Variants in KNL1 observed in about 807,000 individuals in gnomAD.
The protein encoded by KNL1 is outer kinetochore KNL1 complex subunit KNL1.
KNL1 carries 66 observed loss-of-function variants against 201.3 expected under a neutral mutation model. The ratio of observed to expected loss-of-function variants is 0.33; its 90% CI spans 0.27 to 0.40. The LOEUF is 0.40. Ranked by LOEUF, KNL1 falls within the 10% of genes least tolerant of loss-of-function variation. The pLI, the probability that KNL1 is intolerant of heterozygous loss-of-function variation, is 1.00. For synonymous variants in KNL1, 895 were observed against 899.2 expected, an observed-to-expected ratio of 1.00 and a Z score of 0.08; for missense variants, 2,815 against 2,690.5, an observed-to-expected ratio of 1.05 and a Z score of -1.02.
At chr15:40,657,009 A>G in intron 22 of KNL1, 33 bp from the exon 23 acceptor site, 1 of 1,028,522 alleles carries the variant, frequency 9.7e-7, no homozygotes, top group Non-Finnish European at 1.4e-6. Flanking sequence ...CATAAGTAAT[A>G]ACCTGCTTTT....
At chr15:40,639,158 C>T (rs1412527285) in intron 13 of KNL1, among the ~76,000 whole-genome samples, 1 of 130,058 alleles carries the variant, frequency 7.7e-6, no homozygotes, top group Non-Finnish European at 1.8e-5. Context: ...CCTTAAAAAT[C>T]CTTTTTTTTT....
At chr15:40,601,622 G>C (rs1241741063) in intron 1 of KNL1, among the ~76,000 whole-genome samples, 1 of 151,840 alleles carries the variant, frequency 6.6e-6, no homozygotes, top group Admixed American at 6.6e-5. Context: ...ATGAGGTCAG[G>C]AGATCGAGAC....
intron 1 of KNL1, among the ~76,000 whole-genome samples, chr15:40,600,666 A>G (rs1471005684): frequency 5.3e-5 from 8 of 152,356 alleles, no homozygotes; most frequent in Non-Finnish European, 1.0e-4. Context: ...TGTGTATTGT[A>G]TTAATTTAGT....
intron 8 of KNL1, among the ~76,000 whole-genome samples, chr15:40,616,971 C>T (rs147412740): frequency 3.9e-5 from 6 of 152,184 alleles, no homozygotes; most frequent in East Asian, 3.9e-4. Context: ...TTTTTTGAGA[C>T]GGAGTCTCAC....
chr15:40,605,981 G>A (rs901973884), intron 3 of KNL1, among the ~76,000 whole-genome samples: 3 of 152,158 alleles, frequency 2.0e-5, no homozygotes, highest in African/African-American at 4.8e-5. Flanking sequence ...CAAGTCCTAC[G>A]TGAAGAATAG....
In KNL1 at chr15:40,622,160, C is replaced by T. The variant is rs779150262; in HGVS notation, c.1896C>T (p.Asn632=). 6.2e-7 allele frequency: 1 copy of T among 1,614,110 alleles called. No homozygotes were observed. The highest frequency in any genetic ancestry group is 2.2e-5 in the East Asian group (1 of 44,878). ...AGCGATCAGACATAATAGCCAAAAACAGCTTAACCGACACCTGGAACAAAG... is the reference window on the plus strand; with the variant it reads ...AGCGATCAGACATAATAGCCAAAAATAGCTTAACCGACACCTGGAACAAAG... ...PFQRSDIIAK[N]SLTDTWNKDK... The change falls in exon 10 of 26, where the codon AAC becomes AAT. Residue 632 remains asparagine (N), a synonymous_variant. Coordinates refer to ENST00000399668, the MANE Select transcript of KNL1 (RefSeq NM_144508.5).
At chr15:40,655,522 C>A (rs960666615) in intron 22 of KNL1, among the ~76,000 whole-genome samples, 10 of 141,912 alleles carry the variant, frequency 7.0e-5, no homozygotes, top group African/African-American at 2.7e-4. Context: ...ACCTGGGAGA[C>A]GGAGGTTGCA....
intron 25 of KNL1, among the ~76,000 whole-genome samples, chr15:40,660,395 A>G (rs1279075322): frequency 6.6e-6 from 1 of 151,730 alleles, no homozygotes; most frequent in Admixed American, 6.6e-5. Flanking sequence ...AGCCGGGCAC[A>G]GTTGCTCACA....
intron 6 of KNL1, 138 bp downstream of exon 6, chr15:40,610,435 C>T (rs1362773581): frequency 3.3e-6 from 2 of 606,780 alleles, no homozygotes; most frequent in Non-Finnish European, 2.9e-6. Context: ...TAGTGGTTCA[C>T]ACCTGTGATC....
At chr15:40,639,629 G>A (rs964195423) in intron 13 of KNL1, among the ~76,000 whole-genome samples, 3 of 151,218 alleles carry the variant, frequency 2.0e-5, no homozygotes, top group Non-Finnish European at 4.4e-5. Context: ...AATTAGCCAA[G>A]CATGGTGGCT....
At chr15:40,653,264 C>G (rs1195172191) in intron 21 of KNL1, among the ~76,000 whole-genome samples, 1 of 152,188 alleles carries the variant, frequency 6.6e-6, no homozygotes, top group Non-Finnish European at 1.5e-5. Flanking sequence ...TCTCTGCTCA[C>G]TGCAACCTCT....
At chr15:40,630,194 C>G (rs1001434360) in intron 13 of KNL1, among the ~76,000 whole-genome samples, 1 of 152,162 alleles carries the variant, frequency 6.6e-6, no homozygotes, top group Admixed American at 6.5e-5. Context: ...TTGAATAATA[C>G]AATCAACGCT....
intron 1 of KNL1, among the ~76,000 whole-genome samples, chr15:40,597,408 C>T (rs1339183852): frequency 1.3e-5 from 2 of 152,106 alleles, no homozygotes; most frequent in Admixed American, 6.6e-5. Context: ...GAACACGCTT[C>T]CATGCCTAGC....
chr15:40,622,708 A>G lies in KNL1; in HGVS notation c.2444A>G (p.Lys815Arg), dbSNP rs1319425590. 6.3e-7 allele frequency: 1 copy of G among 1,591,356 alleles called. No homozygotes were observed. The highest frequency in any genetic ancestry group is 8.5e-7 in the Non-Finnish European group (1 of 1,171,788). ...VEKCGKSPIEKSGVLKSNCIM... is the reference protein window; with the variant it reads ...VEKCGKSPIERSGVLKSNCIM... ...AAATGTGGTAAAAGTCCCATAGAAA[A>G]AAGTGGAGTGCTTAAATCTAACTGT... Residue 815 changes from lysine to arginine, a missense_variant, in exon 10 of 26, where the codon AAA becomes AGA. Transcript: ENST00000399668.
chr15:40,661,932 T>C (rs565754096), intron 25 of KNL1, 142 bp from the exon 26 acceptor site: 3 of 501,952 alleles, frequency 6.0e-6, no homozygotes, highest in East Asian at 3.7e-5. Flanking sequence ...TCCCAGCTAC[T>C]CGGGAGGCTG....
intron 1 of KNL1, among the ~76,000 whole-genome samples, chr15:40,598,424 A>T (rs1258279714): frequency 6.6e-6 from 1 of 151,962 alleles, no homozygotes; most frequent in Non-Finnish European, 1.5e-5. Flanking sequence ...AAAATAAAAA[A>T]ATTAGCCAGG....
chr15:40,653,674 C>T (rs540832361), intron 21 of KNL1, among the ~76,000 whole-genome samples: 101 of 152,168 alleles, frequency 6.6e-4, no homozygotes, highest in Non-Finnish European at 1.4e-3. Flanking sequence ...GGCTAATGAT[C>T]AAAGTATTTG....
rs747274892 is a variant in KNL1, at chr15:40,602,919, G to C, written c.-13G>C. Reference sequence around the variant, plus strand: ...AATATTGTATATTTGTTACAGAAAAGTTTTCTTCAAAAATGGATGGGGTGT... The same window carrying C: ...AATATTGTATATTTGTTACAGAAAACTTTTCTTCAAAAATGGATGGGGTGT... On this transcript the variant is annotated 5_prime_UTR_variant, in exon 2 of 26. Transcript: ENST00000399668. 9 of 1,567,716 alleles carry C rather than the reference G, an allele frequency of 5.7e-6. No individual in the cohort carries two copies. The highest frequency in any genetic ancestry group is 7.9e-6 in the Non-Finnish European group (9 of 1,143,386).
At chr15:40,612,540 C>T (rs537735772) in intron 7 of KNL1, among the ~76,000 whole-genome samples, 61 of 151,728 alleles carry the variant, frequency 4.0e-4, no homozygotes, top group Middle Eastern at 3.4e-3. Flanking sequence ...GTTGTTTAGA[C>T]GGCATCTTCC....
Sources: gnomAD v4.1 joint callset for allele counts (sites outside exome capture counted in the v4.1 genomes callset) on GRCh38, gnomAD v4.1.1 for gene constraint, MANE v1.5 for transcripts, NCBI Gene and HGNC (gene_info 2026-07-23, HGNC 2026-07-21) for gene names.